Variants in NRG3 observed in about 807,000 individuals in gnomAD.
NRG3 encodes the protein neuregulin 3.
NRG3 carries 31 observed loss-of-function variants against 66.9 expected under a neutral mutation model. The ratio of observed to expected loss-of-function variants is 0.46; its 90% CI spans 0.35 to 0.63. The LOEUF (loss-of-function observed/expected upper bound fraction) is 0.63, where lower values mean the gene tolerates loss of function less well. Among genes scored for constraint, NRG3 ranks in the 20% least tolerant of loss-of-function variants. NRG3 has a pLI of 0.00. For missense variants in NRG3, 910 were observed against 878.9 expected (o/e 1.04, Z -0.45); for synonymous variants, 393 against 359.4 (o/e 1.09, Z -1.06).
At chr10:82,488,465 C>T (rs1403326771) in intron 2 of NRG3, among the ~76,000 whole-genome samples, 1 of 152,190 alleles carries the variant, frequency 6.6e-6, no homozygotes, top group Non-Finnish European at 1.5e-5. Context: ...ATTGAGAAAG[C>T]CCTTGTTTTG....
chr10:82,717,902 C>T (rs762726988), intron 2 of NRG3, among the ~76,000 whole-genome samples: 1 of 151,218 alleles, frequency 6.6e-6, no homozygotes, highest in South Asian at 2.1e-4. Context: ...CATTTCCACT[C>T]ACCTGTATGT....
Position 82,097,432 on chromosome 10 carries a change from T to TATATATATCTGTA in NRG3, c.823+221277_823+221278insCTGTAATATATAT, listed in dbSNP as rs1554824269. On this transcript the variant is annotated intron_variant, in intron 1 of 8. Transcript: ENST00000372141. Reference sequence around the variant, plus strand: ...CATATATATATATCTGTAATATATATATATATATATCTGTAATATATATAT... The same window carrying TATATATATCTGTA: ...CATATATATATATCTGTAATATATATATATATATCTGTAATATATATATCTGTAATATATATAT... Among the ~76,000 whole-genome samples, 6 of 142,414 alleles carry TATATATATCTGTA rather than the reference T, an allele frequency of 4.2e-5. No homozygotes were observed. The East Asian group carries it at 5.9e-4, about 14-fold the overall frequency. 93.4% of individuals were successfully genotyped at this position (142,414 alleles called of 152,430 possible).
At chr10:82,285,198 C>T (rs998432065) in intron 1 of NRG3, among the ~76,000 whole-genome samples, 6 of 152,146 alleles carry the variant, frequency 3.9e-5, no homozygotes, top group African/African-American at 1.2e-4. Context: ...GCTGTAGATG[C>T]TAATTTTGGA....
At chr10:82,897,751 C>G (rs1012552652) in intron 4 of NRG3, among the ~76,000 whole-genome samples, 5 of 152,072 alleles carry the variant, frequency 3.3e-5, no homozygotes, top group Non-Finnish European at 7.4e-5. Flanking sequence ...AACTCCAGAC[C>G]TCAGGTGATC....
intron 3 of NRG3, among the ~76,000 whole-genome samples, chr10:82,830,796 A>T (rs2062479827): frequency 1.3e-5 from 2 of 152,176 alleles, no homozygotes; most frequent in Non-Finnish European, 2.9e-5. Context: ...GGAAACTGTT[A>T]TGCTAAGGTT....
chr10:82,149,239 T>G (rs545122516), intron 1 of NRG3, among the ~76,000 whole-genome samples: 1 of 152,264 alleles, frequency 6.6e-6, no homozygotes, highest in Admixed American at 6.5e-5. Flanking sequence ...TCCCCAGTTG[T>G]TTGGGTTTCT....
At chr10:82,528,823 C>G (rs767033937) in intron 2 of NRG3, among the ~76,000 whole-genome samples, 6 of 151,920 alleles carry the variant, frequency 3.9e-5, no homozygotes, top group Admixed American at 2.6e-4. Flanking sequence ...TAGAAAGACT[C>G]TCTCTCATCA....
intron 3 of NRG3, among the ~76,000 whole-genome samples, chr10:82,831,632 G>A (rs1591656379): frequency 6.6e-6 from 1 of 151,980 alleles, no homozygotes; most frequent in South Asian, 2.1e-4. Context: ...CTGACCAACA[G>A]GGTGAAACCT....
At chr10:82,883,773 A>G (rs1384847481) in intron 4 of NRG3, among the ~76,000 whole-genome samples, 1 of 152,144 alleles carries the variant, frequency 6.6e-6, no homozygotes, top group East Asian at 1.9e-4. Flanking sequence ...GTTAAAACCT[A>G]TGTCCCATGG....
chr10:82,784,336 A>T (rs1464755212), intron 3 of NRG3, among the ~76,000 whole-genome samples: 1 of 150,968 alleles, frequency 6.6e-6, no homozygotes, highest in Non-Finnish European at 1.5e-5. Context: ...AGCAATGGCA[A>T]CAAAAGCCAA....
rs570467735 is a variant in NRG3 at position 82,458,927 on chromosome 10, C to T, written c.953+100059C>T. On this transcript the variant is annotated intron_variant, in intron 2 of 8. Transcript: ENST00000372141. ...ATGCTCAGAATTTTCAGCTGCATTGCCTCCACTGGAGGAAACAGAAGGTCA... is the reference window on the plus strand; with the variant it reads ...ATGCTCAGAATTTTCAGCTGCATTGTCTCCACTGGAGGAAACAGAAGGTCA... Among the ~76,000 whole-genome samples the T allele has an allele frequency of 7.9e-5, 12 of 152,190 alleles. No individual in the cohort carries two copies. The South Asian group carries it at 2.5e-3, about 32-fold the overall frequency.
intron 2 of NRG3, among the ~76,000 whole-genome samples, chr10:82,531,112 A>G (rs866143405): frequency 6.6e-5 from 10 of 151,760 alleles, no homozygotes; most frequent in Non-Finnish European, 1.3e-4. Context: ...TGTTGCAACA[A>G]TTTTAGTGAA....
At chr10:82,715,180 A>G (rs1414984574) in intron 2 of NRG3, among the ~76,000 whole-genome samples, 2 of 152,186 alleles carry the variant, frequency 1.3e-5, no homozygotes, top group Non-Finnish European at 2.9e-5. Context: ...GGATCGCTTG[A>G]GGCCAGGAGT....
At chr10:82,493,069 C>T (rs1843296109) in intron 2 of NRG3, among the ~76,000 whole-genome samples, 1 of 151,468 alleles carries the variant, frequency 6.6e-6, no homozygotes, top group African/African-American at 2.4e-5. Flanking sequence ...GTCCAGGTGC[C>T]TGTGTGTGGA....
At position 82,512,630 on chromosome 10, in the gene NRG3, C is replaced by T. The variant is rs369817818; in HGVS notation, c.953+153762C>T. Among the ~76,000 whole-genome samples the T allele has an allele frequency of 7.9e-5, 12 of 152,268 alleles. 1 individual carries two copies. Among genetic ancestry groups the T allele is most frequent in the East Asian group, 3.9e-4 (2 of 5,176 alleles). On this transcript the variant is annotated intron_variant, in intron 2 of 8. Transcript: ENST00000372141. ...ACCTGCCCAAGGCCTACTTAAAGTA[C>T]GCTCTCAGTAAGTTTCAGCACTTTT...
At chr10:82,127,851 C>T (rs913068134) in intron 1 of NRG3, among the ~76,000 whole-genome samples, 15 of 151,968 alleles carry the variant, frequency 9.9e-5, no homozygotes, top group Non-Finnish European at 1.6e-4. Context: ...CTCTCCCACC[C>T]TCTTCAGTGC....
chr10:82,746,231 C>G lies in NRG3; in HGVS notation c.1027+7581C>G, dbSNP rs538060318. On this transcript the variant is annotated intron_variant, in intron 3 of 8. Transcript: ENST00000372141. The stretch of plus-strand genomic sequence containing the variant: ...ACCATTATGTTGAAAGCAGGCCTCA[C>G]AGGGCCAGAGGGAAGCCCACCTGCC... 7.2e-5 allele frequency among the ~76,000 whole-genome samples: 11 copies of G among 152,246 alleles called. No homozygotes were observed. In the East Asian group the frequency reaches 2.1e-3, roughly 29 times the overall value.
rs144653645 is a variant in NRG3, at chr10:82,068,942, T to A, written c.823+192779T>A. Among the ~76,000 whole-genome samples the A allele has an allele frequency of 5.4e-3, 818 of 152,292 alleles. 6 individuals carry two copies. The highest frequency in any genetic ancestry group is 0.019 in the African/African-American group (775 of 41,548). ...AGTCACAGTGGAATCTTGCAAATAT[T>A]TAAAATAAGTCAACCACCAAAACAA... On this transcript the variant is annotated intron_variant, in intron 1 of 8. Transcript: ENST00000372141.
At position 82,105,089 on chromosome 10, in the gene NRG3, AG is replaced by A. The variant is rs374382362; in HGVS notation, c.823+228928del. On this transcript the variant is annotated intron_variant, in intron 1 of 8. Transcript: ENST00000372141. ...ATTTAGGAATATACAATATTTTCTG[AG>A]GTTATAGATAATATTTCACTAGAAA... Among the ~76,000 whole-genome samples, 297 of 152,288 alleles carry A rather than the reference AG, an allele frequency of 2.0e-3. 1 individual carries two copies. The highest frequency in any genetic ancestry group is 6.8e-3 in the African/African-American group (284 of 41,580).
Sources: allele counts gnomAD v4.1 joint callset (sites outside exome capture counted in the v4.1 genomes callset), GRCh38; gene constraint gnomAD v4.1.1; transcripts MANE v1.5; gene names NCBI Gene and HGNC (gene_info 2026-07-23, HGNC 2026-07-21).